The following SLC15A2 variants were observed in gnomAD, a reference collection of about 807,000 sequenced individuals.
SLC15A2 encodes solute carrier family 15 member 2, also known as kidney H(+)/peptide cotransporter.
In SLC15A2, 77 loss-of-function variants were observed where a neutral mutation model predicts 95.5. The observed-to-expected ratio is 0.81, with a 90% confidence interval of 0.67 to 0.97. The LOEUF (loss-of-function observed/expected upper bound fraction) is 0.97, where lower values mean the gene tolerates loss of function less well. Among genes scored for constraint, SLC15A2 ranks in the 50% least tolerant of loss-of-function variants. The pLI, the probability that SLC15A2 is intolerant of heterozygous loss-of-function variation, is 0.00. For missense variants in SLC15A2, 893 were observed against 874.4 expected (o/e 1.02, Z -0.27); for synonymous variants, 306 against 306.9 (o/e 1.00, Z 0.03).
intron 7 of SLC15A2, among the ~76,000 whole-genome samples, chr3:121,917,245 C>G (rs2107589839): frequency 6.6e-6 from 1 of 152,190 alleles, no homozygotes; most frequent in Middle Eastern, 3.4e-3. Context: ...TTCATGTTCC[C>G]AAAGAACTTA....
intron 3 of SLC15A2, among the ~76,000 whole-genome samples, chr3:121,906,651 G>GA (rs1440508838): frequency 6.6e-6 from 1 of 152,190 alleles, no homozygotes; most frequent in Non-Finnish European, 1.5e-5. Context: ...ATTCTGGGTT[G>GA]AAAATTCTTT....
chr3:121,912,618 A>AT (rs555741000), intron 4 of SLC15A2, among the ~76,000 whole-genome samples: 46 of 151,696 alleles, frequency 3.0e-4, no homozygotes, highest in Admixed American at 1.1e-3. Context: ...GAATTTGAAC[A>AT]TTTTTTTTTA....
intron 17 of SLC15A2, 112 bp downstream of exon 17, chr3:121,929,460 T>C (rs1043008412): frequency 8.7e-7 from 1 of 1,155,914 alleles, no homozygotes; most frequent in Admixed American, 2.0e-5. Context: ...TCTCGTAGAA[T>C]GCCAGGGGCA....
intron 7 of SLC15A2, among the ~76,000 whole-genome samples, chr3:121,916,470 A>G (rs1559846405): frequency 6.6e-6 from 1 of 152,192 alleles, no homozygotes; most frequent in Non-Finnish European, 1.5e-5. Flanking sequence ...AAAACAGCCT[A>G]CAGACTCAAT....
chr3:121,930,314 G>A (rs1710207272), intron 17 of SLC15A2, among the ~76,000 whole-genome samples: 1 of 152,190 alleles, frequency 6.6e-6, no homozygotes, highest in Non-Finnish European at 1.5e-5. Flanking sequence ...CAAAGTTTCT[G>A]CAGACTCCAA....
chr3:121,931,042 G>C, intron 18 of SLC15A2, 92 bp downstream of exon 18: 1 of 784,410 alleles, frequency 1.3e-6, no homozygotes, highest in Non-Finnish European at 2.2e-6. Flanking sequence ...TTAGGTGCAT[G>C]TGGTCTAATT....
At chr3:121,898,518 G>A (rs1709463797) in intron 3 of SLC15A2, among the ~76,000 whole-genome samples, 1 of 152,110 alleles carries the variant, frequency 6.6e-6, no homozygotes, top group Admixed American at 6.6e-5. Flanking sequence ...CTATGGACCT[G>A]TCATCCATAG....
intron 19 of SLC15A2, among the ~76,000 whole-genome samples, chr3:121,935,247 C>T (rs971545420): frequency 3.0e-4 from 46 of 151,952 alleles, no homozygotes; most frequent in Non-Finnish European, 5.3e-4. Flanking sequence ...TGTCTCTGCC[C>T]GGCTTTGGTA....
chr3:121,939,414 G>T lies in SLC15A2; in HGVS notation c.1827G>T (p.Ala609=). 6.3e-7 allele frequency: 1 copy of T among 1,579,742 alleles called. No individual in the cohort carries two copies. The highest frequency in any genetic ancestry group is 8.6e-7 in the Non-Finnish European group (1 of 1,163,402). Residue 609 remains alanine (A), a synonymous_variant, in exon 20 of 22, where the codon GCG becomes GCT. Coordinates refer to ENST00000489711, the MANE Select transcript of SLC15A2 (RefSeq NM_021082.4). ...TTCCAGCCAACAAAATGTCCATTGC[G>T]TGGCAGCTACCACAATATGCCCTGG... ...EDIPANKMSI[A]WQLPQYALVT... is the part of the protein sequence containing the mutation.
chr3:121,919,013 T>TG (rs1473513231), intron 7 of SLC15A2, among the ~76,000 whole-genome samples: 1 of 152,136 alleles, frequency 6.6e-6, no homozygotes, highest in African/African-American at 2.4e-5. Flanking sequence ...GCTTCTGTGT[T>TG]GGGTGCGGCA....
At chr3:121,935,988 G>T (rs540704511) in intron 19 of SLC15A2, among the ~76,000 whole-genome samples, 73 of 152,238 alleles carry the variant, frequency 4.8e-4, no homozygotes, top group Admixed American at 3.5e-3. Context: ...TGGTTTCAAA[G>T]AACATCTTTA....
chr3:121,903,488 A>G (rs1403132317), intron 3 of SLC15A2, among the ~76,000 whole-genome samples: 1 of 152,176 alleles, frequency 6.6e-6, no homozygotes, highest in Non-Finnish European at 1.5e-5. Flanking sequence ...TTTTAGGTCT[A>G]ACATGTAAGT....
In SLC15A2 at chr3:121,907,343, C is replaced by T. The variant is rs1008087180; in HGVS notation, c.336-4231C>T. On this transcript the variant is annotated intron_variant, in intron 3 of 21. Coordinates refer to ENST00000489711, the MANE Select transcript of SLC15A2 (RefSeq NM_021082.4). The stretch of plus-strand genomic sequence containing the variant: ...TTTGTTATTACCAACCTTCTGAAGC[C>T]TACTTCTGTCAGCTCATCAAAGTCA... Among the ~76,000 whole-genome samples, 51 of 152,184 alleles carry T rather than the reference C, an allele frequency of 3.4e-4. 2 individuals carry two copies. Among genetic ancestry groups the T allele is most frequent in the Admixed American group, 3.2e-3 (49 of 15,278 alleles).
chr3:121,928,476 T>C lies in SLC15A2; in HGVS notation c.1262T>C (p.Leu421Pro). ...PQEVFLQVLN[L>P]ADDEVKVTVV... ...GAGGTTTTCCTACAAGTCTTGAATC[T>C]GGCAGATGATGAGGTGAAGGTGACA... is the stretch of plus-strand genomic sequence containing the variant. The change falls in exon 15 of 22, where the codon CTG becomes CCG. Residue 421 changes from leucine to proline, a missense_variant. By Grantham distance (98) the Leu-to-Pro change is moderately conservative. Transcript: ENST00000489711. 1 of 1,614,148 alleles carries C rather than the reference T, an allele frequency of 6.2e-7. No homozygotes were observed. The highest frequency in any genetic ancestry group is 2.2e-5 in the East Asian group (1 of 44,886).
chr3:121,928,514 G>T lies in SLC15A2; in HGVS notation c.1300G>T (p.Glu434Ter), dbSNP rs1192268575. 2.5e-6 allele frequency: 4 copies of T among 1,614,118 alleles called. No individual in the cohort carries two copies. The highest frequency in any genetic ancestry group is 3.4e-6 in the Non-Finnish European group (4 of 1,179,978). The change falls in exon 15 of 22, where the codon GAA becomes TAA. Residue 434 changes from glutamate to a stop codon, truncating the protein, a stop_gained. Transcript: ENST00000489711. LOFTEE classifies it high-confidence loss of function. ...DEVKVTVVGN[E>*]NNSLLIESIK... Reference sequence around the variant, plus strand: ...GGTGAAGGTGACAGTGGTGGGAAATGAAAACAATTCTCTGTTGATAGAGTC... The same window carrying T: ...GGTGAAGGTGACAGTGGTGGGAAATTAAAACAATTCTCTGTTGATAGAGTC...
At chr3:121,928,872 C>T in intron 15 of SLC15A2, 110 bp from the exon 16 acceptor site, 5 of 1,163,090 alleles carry the variant, frequency 4.3e-6, no homozygotes, top group Non-Finnish European at 4.9e-6. Flanking sequence ...AAAGGAATTA[C>T]TAGGTTGAAA....
At position 121,917,111 on chromosome 3, in the gene SLC15A2, C is replaced by T. The variant is rs1296936546; in HGVS notation, c.697+1418C>T. Among the ~76,000 whole-genome samples the T allele has an allele frequency of 2.0e-5, 3 of 152,124 alleles. No individual in the cohort carries two copies. The East Asian group carries it at 5.8e-4, about 29-fold the overall frequency. On this transcript the variant is annotated intron_variant, in intron 7 of 21. Transcript: ENST00000489711. Reference sequence around the variant, plus strand: ...CTAGGATTACAGGTGTGAGCCACCACGCCCAGCCAATTAATTTATTTTTTC... The same window carrying T: ...CTAGGATTACAGGTGTGAGCCACCATGCCCAGCCAATTAATTTATTTTTTC...
chr3:121,940,274 A>C, intron 20 of SLC15A2, 110 bp from the exon 21 acceptor site: 1 of 714,176 alleles, frequency 1.4e-6, no homozygotes, highest in South Asian at 1.6e-5. Flanking sequence ...AGCTGAACTT[A>C]ATAAGAGAAG....
intron 3 of SLC15A2, 45 bp from the exon 4 acceptor site, chr3:121,911,529 C>T (rs917846830): frequency 7.7e-7 from 1 of 1,292,436 alleles, no homozygotes; most frequent in African/African-American, 1.5e-5. Flanking sequence ...TTATTCAAAT[C>T]TCTCAGTTCT....
Sources: allele counts gnomAD v4.1 joint callset (sites outside exome capture counted in the v4.1 genomes callset), GRCh38; gene constraint gnomAD v4.1.1; transcripts MANE v1.5; gene names NCBI Gene and HGNC (gene_info 2026-07-23, HGNC 2026-07-21).